Variants in ZNFX1 observed in about 807,000 individuals in gnomAD.
The protein encoded by ZNFX1 is zinc finger NFX1-type containing 1.
A neutral mutation model predicts 179.8 loss-of-function variants in ZNFX1; 78 were observed. That is an observed-to-expected ratio of 0.43 (90% CI 0.36 to 0.52). The LOEUF is 0.52. Ranked by LOEUF, ZNFX1 falls within the 20% of genes least tolerant of loss-of-function variation. The pLI is 0.00. For synonymous variants in ZNFX1, 848 were observed against 868.5 expected (o/e 0.98, Z 0.42); for missense variants, 1,927 against 2,386.6 (o/e 0.81, Z 4.01).
At chr20:49,250,684 T>C (rs1382287590) in intron 13 of ZNFX1, among the ~76,000 whole-genome samples, 2 of 152,138 alleles carry the variant, frequency 1.3e-5, no homozygotes, top group Non-Finnish European at 2.9e-5. Context: ...CCCAAGTAGC[T>C]GGGATTACAG....
intron 6 of ZNFX1, 44 bp downstream of exon 6, chr20:49,263,290 A>C (rs1981157246): frequency 6.2e-7 from 1 of 1,602,194 alleles, no homozygotes; most frequent in Non-Finnish European, 8.5e-7. Flanking sequence ...ACCTCAAAGT[A>C]CTGAGGCCAG....
Position 49,249,455 on chromosome 20 carries a change from T to C in ZNFX1, c.3569A>G (p.Glu1190Gly). 1 of 1,614,236 alleles carries C rather than the reference T, an allele frequency of 6.2e-7. No individual in the cohort carries two copies. Among genetic ancestry groups the C allele is most frequent in the Non-Finnish European group, 8.5e-7 (1 of 1,180,044 alleles). Residue 1190 changes from glutamate (E) to glycine (G), a missense_variant, in exon 14 of 14, where the codon GAA (glutamate) becomes GGA (glycine). Glu to Gly is a moderately conservative substitution (Grantham distance 98). Coordinates refer to ENST00000396105, the MANE Select transcript of ZNFX1 (RefSeq NM_021035.3). Reference protein sequence around the residue: ...RVHVVDKYQGEENDIILLSLV... With the variant: ...RVHVVDKYQGGENDIILLSLV... ...CGAGAGGAGGATGATGTCATTCTCT[T>C]CCCCTTGGTATTTGTCCACAACATG... is the stretch of plus-strand genomic sequence containing the variant.
At chr20:49,263,571 C>G in intron 5 of ZNFX1, 88 bp from the exon 6 acceptor site, 7 of 1,457,718 alleles carry the variant, frequency 4.8e-6, no homozygotes, top group Non-Finnish European at 6.5e-6. Flanking sequence ...AAAGCTAAGA[C>G]AGGAACAGTA....
rs748681395 is a variant in ZNFX1 at position 49,249,030 on chromosome 20, G to A, written c.3994C>T (p.Arg1332Trp). The A allele has an allele frequency of 1.4e-5, 22 of 1,614,184 alleles. No homozygotes were observed. The highest frequency in any genetic ancestry group is 4.5e-5 in the East Asian group (2 of 44,880). The change falls in exon 14 of 14, where the codon CGG (arginine) becomes TGG (tryptophan). Residue 1332 changes from arginine to tryptophan, a missense_variant. Physicochemically the swap from Arg to Trp is moderately radical, Grantham distance 101. Transcript: ENST00000396105. ...TCCTGGAAGCAAACAAGGGGACACC[G>A]GTGCCCTTCCTGACAGATGACCTTC... ...CQKVICQEGH[R>W]CPLVCFQECQ...
At chr20:49,256,583 A>G (rs1418671169) in intron 8 of ZNFX1, among the ~76,000 whole-genome samples, 1 of 152,218 alleles carries the variant, frequency 6.6e-6, no homozygotes, top group African/African-American at 2.4e-5. Context: ...AGCCTTTAGA[A>G]GGCTCGCAAG....
Position 49,247,322 on chromosome 20 carries a change from C to T in ZNFX1, c.5702G>A (p.Trp1901Ter), listed in dbSNP as rs1379773434. Residue 1901 changes from tryptophan (W) to a stop codon, truncating the protein, a stop_gained, in exon 14 of 14, where the codon TGG becomes TAG. Transcript: ENST00000396105. LOFTEE classifies it high-confidence loss of function. ...CATCAGGTTGTTGGCCGTGTCAGAC[C>T]AGGCAGCATGCTGGGCTCCATCCAT... ...SEMDGAQHAA[W>*]SDTANNLMNF... is the part of the protein sequence containing the mutation. The T allele has an allele frequency of 1.9e-6, 3 of 1,613,910 alleles. No homozygotes were observed. Among genetic ancestry groups the T allele is most frequent in the Non-Finnish European group, 2.5e-6 (3 of 1,179,934 alleles).
chr20:49,270,554 T>C lies in ZNFX1; in HGVS notation c.1258A>G (p.Met420Val), dbSNP rs1251284430. ...IYFDTRIITP[M>V]CSSSGIVYKV... ...TAGACTATGCCTGATGATGAACACA[T>C]GGGGGTGATAATCCTGGTGTCAAAG... Residue 420 changes from methionine to valine, a missense_variant, in exon 3 of 14, where the codon ATG (methionine) becomes GTG (valine). Transcript: ENST00000396105. This position sits in a 1 kb window ranked among gnomAD's most constrained non-coding sequence, Gnocchi z 4.6. 2 of 1,614,216 alleles carry C rather than the reference T, an allele frequency of 1.2e-6. No individual in the cohort carries two copies. The highest frequency in any genetic ancestry group is 8.5e-7 in the Non-Finnish European group (1 of 1,180,038).
chr20:49,265,195 A>G (rs564790634), intron 4 of ZNFX1, among the ~76,000 whole-genome samples: 1 of 152,342 alleles, frequency 6.6e-6, no homozygotes, highest in East Asian at 1.9e-4. Flanking sequence ...TCTCCCATAT[A>G]GGGCTACAGT....
chr20:49,258,507 C>T lies in ZNFX1; in HGVS notation c.2417-843G>A, dbSNP rs566388505. On this transcript the variant is annotated intron_variant, in intron 7 of 13. Transcript: ENST00000396105. ...CGTTAAAAAATCATACGAATATATG[C>T]CTTTTAAAGAAAGGTTTTGGCTGTG... is the stretch of plus-strand genomic sequence containing the variant. 1.4e-4 allele frequency among the ~76,000 whole-genome samples: 22 copies of T among 152,292 alleles called. 1 individual carries two copies. The South Asian group carries it at 4.6e-3, about 32-fold the overall frequency.
chr20:49,269,242 A>C (rs1018962944), intron 3 of ZNFX1, among the ~76,000 whole-genome samples: 3 of 152,238 alleles, frequency 2.0e-5, no homozygotes, highest in Admixed American at 6.5e-5. Context: ...TCTCCAAAGC[A>C]AATTAATGCA....
Position 49,255,911 on chromosome 20 carries a change from C to T in ZNFX1, c.2701G>A (p.Val901Met). 2 of 1,614,170 alleles carry T rather than the reference C, an allele frequency of 1.2e-6. No individual in the cohort carries two copies. The highest frequency in any genetic ancestry group is 1.7e-6 in the Non-Finnish European group (2 of 1,180,024). ...RNQKKKMKKR[V>M]KDELRKLNTM... ...TTCAGTTTGCGAAGCTCATCCTTCA[C>T]TCTTTTTTTCATTTTCTTTTTCTGG... Residue 901 changes from valine to methionine, a missense_variant, in exon 9 of 14, where the codon GTG becomes ATG. Physicochemically the swap from Val to Met is conservative, Grantham distance 21. Transcript: ENST00000396105.
In ZNFX1 at chr20:49,268,061, G is replaced by A. The variant is rs1981284598; in HGVS notation, c.1871-1795C>T. 2.0e-5 allele frequency among the ~76,000 whole-genome samples: 3 copies of A among 152,050 alleles called. No homozygotes were observed. In the South Asian group the frequency reaches 6.2e-4, roughly 32 times the overall value. On this transcript the variant is annotated intron_variant, in intron 3 of 13. Coordinates refer to ENST00000396105, the MANE Select transcript of ZNFX1 (RefSeq NM_021035.3). The stretch of plus-strand genomic sequence containing the variant: ...GCTAATTTTTTTATATTTTTTAGTA[G>A]AGACAGGGTTTCGTCGTGTTAGCCA...
Position 49,266,232 on chromosome 20 carries a change from G to A in ZNFX1, c.1905C>T (p.Ala635=), listed in dbSNP as rs1981229820. Residue 635 remains alanine (A), a synonymous_variant, in exon 4 of 14, where the codon GCC becomes GCT. Transcript: ENST00000396105. ...KTYVGLKIVQ[A]LLTNESVWQI... Reference sequence around the variant, plus strand: ...GCCAAACAGACTCGTTGGTTAGGAGGGCCTGAACAATTTTTAGACCCACAT... The same window carrying A: ...GCCAAACAGACTCGTTGGTTAGGAGAGCCTGAACAATTTTTAGACCCACAT... The A allele has an allele frequency of 6.2e-7, 1 of 1,610,652 alleles. No homozygotes were observed. The highest frequency in any genetic ancestry group is 8.5e-7 in the Non-Finnish European group (1 of 1,178,888).
chr20:49,266,644 A>G (rs541620974), intron 3 of ZNFX1, among the ~76,000 whole-genome samples: 1 of 151,352 alleles, frequency 6.6e-6, no homozygotes, highest in Admixed American at 6.6e-5. Context: ...CTCTATCAAT[A>G]CATAGGAGAA....
intron 7 of ZNFX1, among the ~76,000 whole-genome samples, chr20:49,258,771 A>C (rs1981039000): frequency 6.6e-6 from 1 of 150,884 alleles, no homozygotes; most frequent in African/African-American, 2.4e-5. Context: ...GTGCCATTGC[A>C]CTCCAGCCTG....
At position 49,264,720 on chromosome 20, in the gene ZNFX1, A is replaced by G; in HGVS notation, c.2147T>C (p.Met716Thr). Residue 716 changes from methionine to threonine, a missense_variant, in exon 5 of 14, where the codon ATG becomes ACG. Met to Thr is a moderately conservative substitution (Grantham distance 81). Transcript: ENST00000396105. ...NLPMHLRRAY[M>T]SIMTQMKESE... ...TATTTCAGAGCTGGGACTTACACTC[A>G]TGTAGGCCCTTCGGAGGTGCATGGG... The G allele has an allele frequency of 3.1e-6, 5 of 1,613,816 alleles. No homozygotes were observed. Among genetic ancestry groups the G allele is most frequent in the Non-Finnish European group, 4.2e-6 (5 of 1,180,004 alleles).
intron 8 of ZNFX1, among the ~76,000 whole-genome samples, chr20:49,256,752 C>T (rs562079350): frequency 6.6e-6 from 1 of 152,324 alleles, no homozygotes; most frequent in East Asian, 1.9e-4. Flanking sequence ...TGAACTAGAT[C>T]AGGTGCAAAG....
chr20:49,277,233 C>G (rs940915209), intron 1 of ZNFX1, among the ~76,000 whole-genome samples: 6 of 151,938 alleles, frequency 3.9e-5, no homozygotes, highest in African/African-American at 1.5e-4. Flanking sequence ...GGAGGCAGAG[C>G]TGGGTTTGGG....
Position 49,271,399 on chromosome 20 carries a change from G to A in ZNFX1, c.413C>T (p.Pro138Leu), listed in dbSNP as rs1373684052. The A allele has an allele frequency of 6.2e-7, 1 of 1,614,164 alleles. No homozygotes were observed. The highest frequency in any genetic ancestry group is 8.5e-7 in the Non-Finnish European group (1 of 1,180,026). ...GTAGCCCAGTTTCTTCGCCTGCTGT[G>A]GCTGTTCTGTAGGCTTCTGGTGGGG... ...RTPHQKPTEQ[P>L]QQAKKLGYKF... The change falls in exon 3 of 14, where the codon CCA becomes CTA. Residue 138 changes from proline to leucine, a missense_variant. Physicochemically the swap from Pro to Leu is moderately conservative, Grantham distance 98. Transcript: ENST00000396105.
Sources: allele counts gnomAD v4.1 joint callset (sites outside exome capture counted in the v4.1 genomes callset), GRCh38; gene constraint gnomAD v4.1.1; non-coding constraint Gnocchi (gnomAD v3.1); transcripts MANE v1.5; gene names NCBI Gene and HGNC (gene_info 2026-07-23, HGNC 2026-07-21).